The following CAV1 variants were observed in gnomAD, a reference collection of about 807,000 sequenced individuals.
CAV1 encodes caveolin-1.
Under a neutral mutation model 16.5 loss-of-function variants are expected in CAV1, and 10 were observed. That is an observed-to-expected ratio of 0.61 (90% CI 0.37 to 1.03). The LOEUF (loss-of-function observed/expected upper bound fraction) is 1.03. Ranked by LOEUF, CAV1 falls within the 50% of genes least tolerant of loss-of-function variation. The pLI, the probability that CAV1 is intolerant of heterozygous loss-of-function variation, is 0.01. For synonymous variants in CAV1, 76 were observed against 85.1 expected (o/e 0.89, Z 0.59); for missense variants, 212 against 232.8 (o/e 0.91, Z 0.58).
intron 2 of CAV1, among the ~76,000 whole-genome samples, chr7:116,539,205 G>A (rs967368360): frequency 5.3e-5 from 8 of 152,062 alleles, no homozygotes; most frequent in African/African-American, 4.8e-5. Flanking sequence ...CCTTGCCCCC[G>A]CCATCCTTTG....
chr7:116,547,578 A>G lies in CAV1; in HGVS notation c.196-11368A>G, dbSNP rs979183501. On this transcript the variant is annotated intron_variant, in intron 2 of 2. Transcript: ENST00000341049. ...CATGGTAATAAACTCCAGAAGCCTCATTGACTTGCTAGAGATGAGCTCATC... is the reference window on the plus strand; with the variant it reads ...CATGGTAATAAACTCCAGAAGCCTCGTTGACTTGCTAGAGATGAGCTCATC... Among the ~76,000 whole-genome samples, 3 of 152,332 alleles carry G rather than the reference A, an allele frequency of 2.0e-5. No homozygotes were observed. In the South Asian group the frequency reaches 6.2e-4, roughly 32 times the overall value.
chr7:116,542,579 C>T (rs1793962751), intron 2 of CAV1: 1 of 152,142 alleles, frequency 6.6e-6, no homozygotes, highest in South Asian at 2.1e-4. Context: ...CTGGGGAGGT[C>T]CTTGGCATTT....
At position 116,558,979 on chromosome 7, in the gene CAV1, G is replaced by A. The variant is rs1431618682; in HGVS notation, c.229G>A (p.Gly77Arg). ...TGAAGATGTGATTGCAGAACCAGAA[G>A]GGACACACAGTTTTGACGGCATTTG... ...DFEDVIAEPE[G>R]THSFDGIWKA... The change falls in exon 3 of 3, where the codon GGG becomes AGG. Residue 77 changes from glycine (G) to arginine (R), a missense_variant. Coordinates refer to ENST00000341049, the MANE Select transcript of CAV1 (RefSeq NM_001753.5). 1.9e-6 allele frequency: 3 copies of A among 1,613,692 alleles called. No homozygotes were observed. The highest frequency in any genetic ancestry group is 2.5e-6 in the Non-Finnish European group (3 of 1,179,844).
At chr7:116,525,279 T>C (rs1452619646) in intron 1 of CAV1, 187 bp downstream of exon 1, 1 of 1,568,760 alleles carries the variant, frequency 6.4e-7, no homozygotes, top group Non-Finnish European at 8.6e-7. Context: ...AGGAATGTTT[T>C]ATGTTTTCCT....
At chr7:116,542,633 T>C (rs1793963461) in intron 2 of CAV1, 1 of 152,226 alleles carries the variant, frequency 6.6e-6, no homozygotes, top group South Asian at 2.1e-4. Context: ...TACAAAAAAT[T>C]CTTTCTTGCA....
At chr7:116,548,356 G>A (rs1298516007) in intron 2 of CAV1, among the ~76,000 whole-genome samples, 1 of 152,228 alleles carries the variant, frequency 6.6e-6, no homozygotes, top group Non-Finnish European at 1.5e-5. Context: ...GACTCTGGTA[G>A]CCAATGGTCA....
intron 2 of CAV1, among the ~76,000 whole-genome samples, chr7:116,548,258 A>C (rs908573867): frequency 6.6e-6 from 1 of 152,222 alleles, no homozygotes; most frequent in South Asian, 2.1e-4. Flanking sequence ...ATGTATGGGA[A>C]CCACTGACAC....
intron 1 of CAV1, chr7:116,525,469 G>C: frequency 7.5e-7 from 1 of 1,334,108 alleles, no homozygotes. Flanking sequence ...GTGGAGTGCA[G>C]GGTGGAGGTG....
chr7:116,539,954 C>G (rs910554168), intron 2 of CAV1, among the ~76,000 whole-genome samples: 4 of 152,158 alleles, frequency 2.6e-5, no homozygotes, highest in African/African-American at 9.7e-5. Flanking sequence ...CCCCATCTAT[C>G]CCCGCACTAT....
intron 2 of CAV1, among the ~76,000 whole-genome samples, chr7:116,553,379 G>A (rs1794201623): frequency 1.3e-5 from 2 of 151,928 alleles, no homozygotes; most frequent in South Asian, 4.2e-4. Flanking sequence ...AGCCAATGCT[G>A]CACAAAGGTA....
At chr7:116,530,208 C>CTCTTTTTTTTTTTTTTTT (rs370865342) in intron 2 of CAV1, among the ~76,000 whole-genome samples, 15 of 125,374 alleles carry the variant, frequency 1.2e-4, no homozygotes, top group African/African-American at 4.5e-4. Flanking sequence ...GTCCTTTTTC[C>CTCTTTTTTTTTTTTTTTT]TTTTTTTTTT....
intron 1 of CAV1, chr7:116,526,037 G>C (rs761423051): frequency 4.9e-5 from 10 of 205,276 alleles, no homozygotes; most frequent in Non-Finnish European, 8.6e-5. Context: ...CTTAGATAAA[G>C]CTGGAAGGGA....
At chr7:116,541,421 T>C (rs1476833) in intron 2 of CAV1, among the ~76,000 whole-genome samples, 1 of 152,048 alleles carries the variant, frequency 6.6e-6, no homozygotes, top group Non-Finnish European at 1.5e-5. Context: ...TAAGAAATAA[T>C]AGGAAAGGCT....
chr7:116,529,804 AC>A (rs1271932833), intron 2 of CAV1, among the ~76,000 whole-genome samples: 6 of 152,230 alleles, frequency 3.9e-5, no homozygotes. Flanking sequence ...ATAGACATTT[AC>A]CCAAAAATAT....
rs1407396134 is a variant in CAV1 at position 116,534,383 on chromosome 7, ATATATATATATATTTTTTTTTTT to A, written c.195+7696_195+7718del. ...CTCAGATATATATATATATATATAT[ATATATATATATATTTTTTTTTTT>A]TTTTTTTTTTTGAGACGATGTCTTG... is the stretch of plus-strand genomic sequence containing the variant. On this transcript the variant is annotated intron_variant, in intron 2 of 2. Coordinates refer to ENST00000341049, the MANE Select transcript of CAV1 (RefSeq NM_001753.5). Among the ~76,000 whole-genome samples, 8 of 9,698 alleles carry A rather than the reference ATATATATATATATTTTTTTTTTT, an allele frequency of 8.2e-4. No homozygotes were observed. In the South Asian group the frequency reaches 0.028, roughly 34 times the overall value. The allele number at this position is 9,698 out of a possible 152,430, so 6.4% of individuals were successfully genotyped here.
intron 2 of CAV1, chr7:116,543,021 A>C (rs936837090): frequency 6.6e-6 from 1 of 152,192 alleles, no homozygotes; most frequent in African/African-American, 2.4e-5. Context: ...GTCCCTCCTC[A>C]GAGCAGACAA....
chr7:116,539,820 A>T (rs1200543466), intron 2 of CAV1, among the ~76,000 whole-genome samples: 2 of 152,162 alleles, frequency 1.3e-5, no homozygotes, highest in Non-Finnish European at 2.9e-5. Flanking sequence ...CAGAATGCCA[A>T]AATATACCAT....
At chr7:116,535,194 A>G (rs994136370) in intron 2 of CAV1, among the ~76,000 whole-genome samples, 1 of 152,202 alleles carries the variant, frequency 6.6e-6, no homozygotes, top group African/African-American at 2.4e-5. Flanking sequence ...GTCACAAATG[A>G]ATTGGCAATG....
At chr7:116,526,715 G>A (rs775944400) in intron 2 of CAV1, 26 bp downstream of exon 2, 6 of 1,613,554 alleles carry the variant, frequency 3.7e-6, no homozygotes, top group Non-Finnish European at 5.1e-6. Context: ...CAACAGGGAA[G>A]GGCTGGGACA....
Sources: gnomAD v4.1 joint callset for allele counts (sites outside exome capture counted in the v4.1 genomes callset) on GRCh38, gnomAD v4.1.1 for gene constraint, MANE v1.5 for transcripts, NCBI Gene and HGNC (gene_info 2026-07-23, HGNC 2026-07-21) for gene names.